The following NTSR1 variants were observed in gnomAD, a reference collection of about 807,000 sequenced individuals.
The protein encoded by NTSR1 is neurotensin receptor type 1.
In NTSR1, 29 loss-of-function variants were observed where a neutral mutation model predicts 31.2. The observed-to-expected ratio is 0.93, with a 90% CI of 0.69 to 1.27. The LOEUF is 1.27. Among genes scored for constraint, NTSR1 ranks in the 50% most tolerant of loss-of-function variants. The pLI, the probability that NTSR1 is intolerant of heterozygous loss-of-function variation, is 0.00. For missense variants in NTSR1, 697 were observed against 595.4 expected (o/e 1.17, Z -1.78); for synonymous variants, 282 against 269.9 (o/e 1.04, Z -0.44).
rs1364115400 is a variant in NTSR1, at chr20:62,733,668, GAA to G, written c.715-21015_715-21014del. ...GAGAAGAGAGAGGGAGAGAGAAAAG[GAA>G]AGAGAGGAGAGAGGGAAAGGCAGAG... On this transcript the variant is annotated intron_variant, in intron 1 of 3. Coordinates refer to ENST00000370501, the MANE Select transcript of NTSR1 (RefSeq NM_002531.3). The surrounding 1 kb of genome is among the most constrained non-coding windows in gnomAD (Gnocchi z 5.2). Among the ~76,000 whole-genome samples the G allele has an allele frequency of 6.6e-6, 1 of 151,808 alleles. No individual in the cohort carries two copies. The highest frequency in any genetic ancestry group is 1.5e-5 in the Non-Finnish European group (1 of 67,976).
At chr20:62,723,989 G>A (rs1268069494) in intron 1 of NTSR1, among the ~76,000 whole-genome samples, 2 of 152,234 alleles carry the variant, frequency 1.3e-5, no homozygotes, top group Non-Finnish European at 2.9e-5. Flanking sequence ...TGGGCAAGAG[G>A]TCTGGCAGCT....
Position 62,744,579 on chromosome 20 carries a change from A to T in NTSR1, c.715-10106A>T, listed in dbSNP as rs1405664740. On this transcript the variant is annotated intron_variant, in intron 1 of 3. Coordinates refer to ENST00000370501, the MANE Select transcript of NTSR1 (RefSeq NM_002531.3). The surrounding 1 kb of genome is among the most constrained non-coding windows in gnomAD (Gnocchi z 4.1). ...CAAAAAAAAAAAAAAATACAAAATT[A>T]GCCAGGCATGGTGGCACATGCCTGT... Among the ~76,000 whole-genome samples the T allele has an allele frequency of 6.6e-6, 1 of 151,314 alleles. No individual in the cohort carries two copies. The highest frequency in any genetic ancestry group is 6.6e-5 in the Admixed American group (1 of 15,200).
rs1989267414 is a variant in NTSR1, at chr20:62,744,719, C to T, written c.715-9966C>T. 6.6e-6 allele frequency among the ~76,000 whole-genome samples: 1 copy of T among 152,000 alleles called. No homozygotes were observed. Among genetic ancestry groups the T allele is most frequent in the Non-Finnish European group, 1.5e-5 (1 of 67,984 alleles). On this transcript the variant is annotated intron_variant, in intron 1 of 3. Coordinates refer to ENST00000370501, the MANE Select transcript of NTSR1 (RefSeq NM_002531.3). The surrounding 1 kb of genome is among the most constrained non-coding windows in gnomAD (Gnocchi z 4.1). ...TCCAGCCTGGGCAACAAGAGCAAAG[C>T]TCAGTCTCACAAAAAAAAAAGAGAG...
intron 1 of NTSR1, chr20:62,735,328 G>A (rs898716721): frequency 6.8e-6 from 1 of 147,386 alleles, no homozygotes; most frequent in Non-Finnish European, 1.5e-5. Context: ...GGGCTCCCAG[G>A]TAGCCCCATT....
rs1280405077 is a variant in NTSR1, at chr20:62,709,020, C to G, written c.-188C>G. 6.4e-6 allele frequency: 3 copies of G among 466,410 alleles called. No individual in the cohort carries two copies. The highest frequency in any genetic ancestry group is 9.3e-5 in the South Asian group (2 of 21,568). 28.9% of individuals were successfully genotyped at this position (466,410 alleles called of 1,614,324 possible). ...TGGGAGTCCGGAGGAGAGCGGAGCC[C>G]GGAGCCCGGAGCCCGGGGCGGCGCG... is the stretch of plus-strand genomic sequence containing the variant. On this transcript the variant is annotated 5_prime_UTR_variant, in exon 1 of 4. Coordinates refer to ENST00000370501, the MANE Select transcript of NTSR1 (RefSeq NM_002531.3).
In NTSR1 at chr20:62,733,297, T is replaced by G. The variant is rs1989032388; in HGVS notation, c.715-21388T>G. 1 of 152,182 alleles carries G rather than the reference T, an allele frequency of 6.6e-6. No individual in the cohort carries two copies. The highest frequency in any genetic ancestry group is 1.5e-5 in the Non-Finnish European group (1 of 68,026). 9.4% of individuals were successfully genotyped at this position (152,182 alleles called of 1,614,324 possible). ...CTCCCAGGCACAGCTCTGGGAAGGC[T>G]GAAAATTAGCACCAATTAGGGAAGA... is the stretch of plus-strand genomic sequence containing the variant. On this transcript the variant is annotated intron_variant, in intron 1 of 3. Coordinates refer to ENST00000370501, the MANE Select transcript of NTSR1 (RefSeq NM_002531.3). The surrounding 1 kb of genome is among the most constrained non-coding windows in gnomAD (Gnocchi z 5.2).
Position 62,714,111 on chromosome 20 carries a change from A to G in NTSR1, c.714+4190A>G, listed in dbSNP as rs1194668332. Reference sequence around the variant, plus strand: ...GTCTCAAAGAAAAAAAAAGTTGCAGAAGAAGTTCTTCAAGGGGTCCTTAGG... The same window carrying G: ...GTCTCAAAGAAAAAAAAAGTTGCAGGAGAAGTTCTTCAAGGGGTCCTTAGG... On this transcript the variant is annotated intron_variant, in intron 1 of 3. Transcript: ENST00000370501. This position sits in a 1 kb window ranked among gnomAD's most constrained non-coding sequence, Gnocchi z 4.1. Among the ~76,000 whole-genome samples, 1 of 151,744 alleles carries G rather than the reference A, an allele frequency of 6.6e-6. No homozygotes were observed. The highest frequency in any genetic ancestry group is 2.4e-5 in the African/African-American group (1 of 41,028).
intron 1 of NTSR1, among the ~76,000 whole-genome samples, chr20:62,727,427 C>T (rs995246328): frequency 2.0e-5 from 3 of 152,214 alleles, no homozygotes; most frequent in Admixed American, 6.5e-5. Context: ...AGGCTGTCAC[C>T]GCCTGGGGCC....
chr20:62,752,060 C>A (rs1200597463), intron 1 of NTSR1, among the ~76,000 whole-genome samples: 1 of 152,216 alleles, frequency 6.6e-6, no homozygotes, highest in Non-Finnish European at 1.5e-5. Flanking sequence ...GAGACTATTT[C>A]CCACTTGAAC....
Position 62,745,290 on chromosome 20 carries a change from C to G in NTSR1, c.715-9395C>G, listed in dbSNP as rs1354963691. On this transcript the variant is annotated intron_variant, in intron 1 of 3. Transcript: ENST00000370501. This position sits in a 1 kb window ranked among gnomAD's most constrained non-coding sequence, Gnocchi z 4.1. ...GGAGAGAGACACAGAGACAGAGAAACAGACACATAGAGGAAAACAGACACA... is the reference window on the plus strand; with the variant it reads ...GGAGAGAGACACAGAGACAGAGAAAGAGACACATAGAGGAAAACAGACACA... Among the ~76,000 whole-genome samples, 1 of 151,518 alleles carries G rather than the reference C, an allele frequency of 6.6e-6. No individual in the cohort carries two copies. Among genetic ancestry groups the G allele is most frequent in the Non-Finnish European group, 1.5e-5 (1 of 67,896 alleles).
rs1989286323 is a variant in NTSR1, at chr20:62,745,588, A to G, written c.715-9097A>G. On this transcript the variant is annotated intron_variant, in intron 1 of 3. Coordinates refer to ENST00000370501, the MANE Select transcript of NTSR1 (RefSeq NM_002531.3). The surrounding 1 kb of genome is among the most constrained non-coding windows in gnomAD (Gnocchi z 4.1). ...CACAACAGAGACAGACACAGGAAGG[A>G]AAACATACAAGGAGACAGAGACACA... 6.6e-6 allele frequency among the ~76,000 whole-genome samples: 1 copy of G among 152,054 alleles called. No individual in the cohort carries two copies. Among genetic ancestry groups the G allele is most frequent in the African/African-American group, 2.4e-5 (1 of 41,312 alleles).
chr20:62,754,601 C>T, intron 1 of NTSR1, 84 bp from the exon 2 acceptor site: 1 of 1,130,858 alleles, frequency 8.8e-7, no homozygotes. Flanking sequence ...GGCCTGACAC[C>T]CCAATCAGCA....
rs1048591070 is a variant in NTSR1 at position 62,711,776 on chromosome 20, A to G, written c.714+1855A>G. Among the ~76,000 whole-genome samples the G allele has an allele frequency of 2.0e-5, 3 of 152,062 alleles. No homozygotes were observed. In the East Asian group the frequency reaches 5.8e-4, roughly 29 times the overall value. On this transcript the variant is annotated intron_variant, in intron 1 of 3. Coordinates refer to ENST00000370501, the MANE Select transcript of NTSR1 (RefSeq NM_002531.3). The surrounding 1 kb of genome is among the most constrained non-coding windows in gnomAD (Gnocchi z 6.4). ...CTCTGCCAGGTACTTGGGATTGGGC[A>G]CCTGGGGGACATCACTTTGCCTCCC... is the stretch of plus-strand genomic sequence containing the variant.
At chr20:62,719,367 G>A (rs144137503) in intron 1 of NTSR1, among the ~76,000 whole-genome samples, 13 of 114,434 alleles carry the variant, frequency 1.1e-4, no homozygotes, top group African/African-American at 2.7e-5. Flanking sequence ...TGTACATCAC[G>A]TAAAATTTAC....
At chr20:62,728,736 G>T (rs2427424) in intron 1 of NTSR1, among the ~76,000 whole-genome samples, 39,222 of 151,988 alleles carry the variant, frequency 0.26, 5,779 homozygotes, top group Middle Eastern at 0.35. Flanking sequence ...GGCCAAGCAG[G>T]TTTCACGGCA....
rs570560428 is a variant in NTSR1, at chr20:62,742,243, C to A, written c.715-12442C>A. 6.6e-4 allele frequency among the ~76,000 whole-genome samples: 98 copies of A among 149,476 alleles called. 8 individuals are homozygous for A. The highest frequency in any genetic ancestry group is 2.3e-3 in the African/African-American group (94 of 40,036). ...GGCCCCTCCAGGTCACACGCCTGTT[C>A]TCTCTCCAGTCCTGCCCTCAGGGAC... On this transcript the variant is annotated intron_variant, in intron 1 of 3. Transcript: ENST00000370501. The surrounding 1 kb of genome is among the most constrained non-coding windows in gnomAD (Gnocchi z 7.1).
Position 62,743,762 on chromosome 20 carries a change from G to A in NTSR1, c.715-10923G>A, listed in dbSNP as rs1370430566. Reference sequence around the variant, plus strand: ...GATCTAAACACAATGGGATGAATTAGAGAGAAAGGCAGAATACAAAACAAG... The same window carrying A: ...GATCTAAACACAATGGGATGAATTAAAGAGAAAGGCAGAATACAAAACAAG... On this transcript the variant is annotated intron_variant, in intron 1 of 3. Coordinates refer to ENST00000370501, the MANE Select transcript of NTSR1 (RefSeq NM_002531.3). This position sits in a 1 kb window ranked among gnomAD's most constrained non-coding sequence, Gnocchi z 7.5. Among the ~76,000 whole-genome samples, 1 of 152,254 alleles carries A rather than the reference G, an allele frequency of 6.6e-6. No individual in the cohort carries two copies. The highest frequency in any genetic ancestry group is 1.5e-5 in the Non-Finnish European group (1 of 68,046).
chr20:62,760,427 A>T lies in NTSR1; in HGVS notation c.*160A>T, dbSNP rs1235224758. ...ACCCCCCCCTCCCACCCCCTAACCC[A>T]TGTTTCTCATTAGTGTCTCCCGGGC... On this transcript the variant is annotated 3_prime_UTR_variant, in exon 4 of 4. Transcript: ENST00000370501. 9 of 513,402 alleles carry T rather than the reference A, an allele frequency of 1.8e-5. No homozygotes were observed. In the African/African-American group the frequency reaches 4.7e-4, roughly 27 times the overall value. The allele number at this position is 513,402 out of a possible 1,614,324, so 31.8% of individuals were successfully genotyped here.
chr20:62,709,307 G>A lies in NTSR1; in HGVS notation c.100G>A (p.Gly34Ser). ...AGLEEALLAPGFGNASGNASE... is the reference protein window; with the variant it reads ...AGLEEALLAPSFGNASGNASE... ...ACTGGAGGAGGCGCTGCTGGCCCCG[G>A]GCTTCGGCAACGCTTCGGGCAACGC... The change falls in exon 1 of 4, where the codon GGC becomes AGC. Residue 34 changes from glycine (G) to serine (S), a missense_variant. Physicochemically the swap from Gly to Ser is moderately conservative, Grantham distance 56 (BLOSUM62 0). Transcript: ENST00000370501. 2 of 1,603,250 alleles carry A rather than the reference G, an allele frequency of 1.2e-6. No individual in the cohort carries two copies. Among genetic ancestry groups the A allele is most frequent in the African/African-American group, 2.7e-5 (2 of 74,844 alleles).
Sources: gnomAD v4.1 joint callset for allele counts (sites outside exome capture counted in the v4.1 genomes callset) on GRCh38, gnomAD v4.1.1 for gene constraint, Gnocchi (gnomAD v3.1) non-coding constraint, MANE v1.5 for transcripts, NCBI Gene and HGNC (gene_info 2026-07-23, HGNC 2026-07-21) for gene names.